Variants in KCNK2 observed in about 807,000 individuals in gnomAD.
KCNK2 encodes the protein potassium two pore domain channel subfamily K member 2.
In KCNK2, 21 loss-of-function variants were observed where a neutral mutation model predicts 40.5. The observed-to-expected ratio is 0.52, with a 90% confidence interval of 0.37 to 0.75. KCNK2 has a LOEUF of 0.75. Ranked by LOEUF, KCNK2 falls within the 30% of genes least tolerant of loss-of-function variation. The pLI, the probability that KCNK2 is intolerant of heterozygous loss-of-function variation, is 0.00. For synonymous variants in KCNK2, 191 were observed against 202.2 expected, an observed-to-expected ratio of 0.94 and a Z score of 0.47; for missense variants, 399 against 531.6, an observed-to-expected ratio of 0.75 and a Z score of 2.45.
At chr1:215,187,011 C>T (rs906681199) in intron 5 of KCNK2, among the ~76,000 whole-genome samples, 1 of 152,124 alleles carries the variant, frequency 6.6e-6, no homozygotes, top group Non-Finnish European at 1.5e-5. Flanking sequence ...ACTCTGTAGC[C>T]TAGGCTGGAG....
intron 1 of KCNK2, among the ~76,000 whole-genome samples, chr1:215,051,828 T>G (rs1008246958): frequency 6.6e-6 from 1 of 152,296 alleles, no homozygotes; most frequent in African/African-American, 2.4e-5. Flanking sequence ...TTGCAGGTGA[T>G]TAGAACAGTT....
At chr1:215,159,707 G>A (rs1212893326) in intron 3 of KCNK2, among the ~76,000 whole-genome samples, 1 of 151,798 alleles carries the variant, frequency 6.6e-6, no homozygotes, top group East Asian at 1.9e-4. Flanking sequence ...AAAGTTTGAG[G>A]AACATAATAT....
Position 215,086,367 on chromosome 1 carries a change from G to T in KCNK2, c.47-1G>T. 1 of 1,613,030 alleles carries T rather than the reference G, an allele frequency of 6.2e-7. No homozygotes were observed. The highest frequency in any genetic ancestry group is 8.5e-7 in the Non-Finnish European group (1 of 1,179,244). ...TAACCCTCATTCTCTGTTGTTGTCAGTGGCGGCACCTGACTTGCTGGATCC... is the reference window on the plus strand; with the variant it reads ...TAACCCTCATTCTCTGTTGTTGTCATTGGCGGCACCTGACTTGCTGGATCC... On this transcript the variant is annotated splice_acceptor_variant, in intron 1 of 6. Transcript: ENST00000444842. LOFTEE classifies it high-confidence loss of function.
At chr1:215,059,672 G>A (rs992985250) in intron 1 of KCNK2, among the ~76,000 whole-genome samples, 20 of 152,056 alleles carry the variant, frequency 1.3e-4, no homozygotes, top group Non-Finnish European at 2.8e-4. Context: ...CAAAAGGCCT[G>A]GCCCAACTAG....
chr1:215,101,844 C>A (rs1660234218), intron 2 of KCNK2, among the ~76,000 whole-genome samples: 1 of 151,834 alleles, frequency 6.6e-6, no homozygotes, highest in Admixed American at 6.6e-5. Context: ...AACTGTACTG[C>A]TAGTCATATT....
At chr1:215,114,832 C>G (rs1380000798) in intron 2 of KCNK2, among the ~76,000 whole-genome samples, 2 of 152,152 alleles carry the variant, frequency 1.3e-5, no homozygotes, top group Non-Finnish European at 2.9e-5. Context: ...TGAGTCAACT[C>G]ACTCAAAGTG....
intron 3 of KCNK2, among the ~76,000 whole-genome samples, chr1:215,144,779 C>T (rs1327584477): frequency 6.6e-6 from 1 of 152,094 alleles, no homozygotes; most frequent in Non-Finnish European, 1.5e-5. Context: ...AATAGGCCAT[C>T]TTAAACAAGA....
intron 3 of KCNK2, among the ~76,000 whole-genome samples, chr1:215,151,600 G>GTGCATTATA: frequency 1.3e-5 from 2 of 152,068 alleles, no homozygotes; most frequent in East Asian, 3.9e-4. Flanking sequence ...TTATTGTAAA[G>GTGCATTATA]TGCATTATAT....
intron 2 of KCNK2, among the ~76,000 whole-genome samples, chr1:215,101,416 G>A (rs1660212305): frequency 6.6e-6 from 1 of 151,780 alleles, no homozygotes; most frequent in African/African-American, 2.4e-5. Context: ...TTTTGGGGTG[G>A]GCAGGAAGTG....
intron 3 of KCNK2, among the ~76,000 whole-genome samples, chr1:215,164,337 T>C (rs1038022953): frequency 2.0e-5 from 3 of 152,164 alleles, no homozygotes; most frequent in African/African-American, 7.2e-5. Context: ...TAGCTAGTGG[T>C]CTATTTAGTT....
intron 2 of KCNK2, among the ~76,000 whole-genome samples, chr1:215,109,025 C>G (rs1420890391): frequency 2.3e-4 from 35 of 151,418 alleles, no homozygotes; most frequent in Non-Finnish European, 2.4e-4. Flanking sequence ...ATATATCATT[C>G]ATTCATATAT....
intron 1 of KCNK2, among the ~76,000 whole-genome samples, chr1:215,028,734 T>C (rs1343779003): frequency 6.6e-6 from 1 of 152,156 alleles, no homozygotes; most frequent in Non-Finnish European, 1.5e-5. Flanking sequence ...CCATGTGACT[T>C]ATATCTCATT....
chr1:215,031,958 A>C (rs1044099110), intron 1 of KCNK2, among the ~76,000 whole-genome samples: 1 of 152,212 alleles, frequency 6.6e-6, no homozygotes. Context: ...CCTTATAATA[A>C]TACAAAATAA....
chr1:215,148,887 A>T (rs549060121), intron 3 of KCNK2, among the ~76,000 whole-genome samples: 1 of 152,170 alleles, frequency 6.6e-6, no homozygotes, highest in Admixed American at 6.6e-5. Context: ...TGTGTCAGCT[A>T]GAGGGAGAAA....
chr1:215,157,418 C>G (rs764569660), intron 3 of KCNK2, among the ~76,000 whole-genome samples: 1 of 152,198 alleles, frequency 6.6e-6, no homozygotes, highest in Non-Finnish European at 1.5e-5. Flanking sequence ...CCTCTGGCCA[C>G]TGCCCCTCCC....
chr1:215,026,329 T>C (rs1416106296), intron 1 of KCNK2, among the ~76,000 whole-genome samples: 1 of 152,074 alleles, frequency 6.6e-6, no homozygotes, highest in East Asian at 1.9e-4. Flanking sequence ...TAGTATCTTC[T>C]GCTACACAAG....
intron 6 of KCNK2, among the ~76,000 whole-genome samples, chr1:215,223,598 G>A (rs900683931): frequency 1.4e-4 from 21 of 152,030 alleles, no homozygotes; most frequent in Admixed American, 2.6e-4. Context: ...ATGGTGGAAG[G>A]GGCTTTGAGA....
intron 1 of KCNK2, among the ~76,000 whole-genome samples, chr1:215,051,653 C>A (rs2102499921): frequency 6.6e-6 from 1 of 152,114 alleles, no homozygotes; most frequent in East Asian, 1.9e-4. Context: ...ATATCTGGGG[C>A]ACAACATTCA....
chr1:215,076,991 T>G (rs1658966491), intron 1 of KCNK2, among the ~76,000 whole-genome samples: 1 of 152,328 alleles, frequency 6.6e-6, no homozygotes, highest in East Asian at 1.9e-4. Context: ...ATGGTTCTGT[T>G]TGCTCTGTAT....
Sources: allele counts gnomAD v4.1 joint callset (sites outside exome capture counted in the v4.1 genomes callset), GRCh38; gene constraint gnomAD v4.1.1; transcripts MANE v1.5; gene names NCBI Gene and HGNC (gene_info 2026-07-23, HGNC 2026-07-21).